KRT15: variants seen among roughly 807,000 people sequenced by gnomAD.
KRT15 encodes the protein keratin 15.
KRT15 carries 45 observed loss-of-function variants against 46.6 expected under a neutral mutation model. The observed-to-expected ratio is 0.97, with a 90% confidence interval of 0.76 to 1.24. KRT15 has a LOEUF of 1.24. Ranked by LOEUF, KRT15 falls within the 50% of genes most tolerant of loss-of-function variation. The pLI is 0.00. For missense variants in KRT15, 592 were observed against 588.9 expected (o/e 1.01, Z -0.05); for synonymous variants, 221 against 233.8 (o/e 0.95, Z 0.50).
Position 41,518,851 on chromosome 17 carries a change from G to C in KRT15, c.-24C>G. ...ATGGCCAGGTAGCTGGAGCCCGTGA[G>C]TTCTCAGCAAACCCAAGAGATGCTG... On this transcript the variant is annotated 5_prime_UTR_variant, in exon 1 of 8. Coordinates refer to ENST00000254043, the MANE Select transcript of KRT15 (RefSeq NM_002275.4). 3 of 1,527,010 alleles carry C rather than the reference G, an allele frequency of 2.0e-6. No individual in the cohort carries two copies. In the South Asian group the frequency reaches 4.0e-5, roughly 20 times the overall value. The allele number at this position is 1,527,010 out of a possible 1,614,324, so 94.6% of individuals were successfully genotyped here.
At chr17:41,516,688 C>T (rs1407123537) in intron 3 of KRT15, 120 bp downstream of exon 3, 10 of 1,189,620 alleles carry the variant, frequency 8.4e-6, no homozygotes, top group Middle Eastern at 2.9e-4. Context: ...GACTTAATCT[C>T]GTGAAAATCT....
chr17:41,516,952 C>T lies in KRT15; in HGVS notation c.594G>A (p.Glu198=). Residue 198 remains glutamate (E), a synonymous_variant, in exon 3 of 8, where the codon GAG becomes GAA. Coordinates refer to ENST00000254043, the MANE Select transcript of KRT15 (RefSeq NM_002275.4). ...CCTCAACGCCCTGGCGCAGGGCCAG[C>T]TCATTCTCATACCTGAGGAGAGGGA... is the stretch of plus-strand genomic sequence containing the variant. The part of the protein sequence containing the change: ...ADDFRLKYEN[E]LALRQGVEAD... 6.2e-7 allele frequency: 1 copy of T among 1,614,254 alleles called. No individual in the cohort carries two copies.
intron 3 of KRT15, 102 bp from the exon 4 acceptor site, chr17:41,516,367 A>G (rs903471737): frequency 1.6e-6 from 2 of 1,261,516 alleles, no homozygotes; most frequent in African/African-American, 3.0e-5. Flanking sequence ...AACACACCCC[A>G]ACCGCTGTTC....
rs958089528 is a variant in KRT15 at position 41,513,918 on chromosome 17, T to G, written c.*105A>C. The G allele has an allele frequency of 2.3e-6, 2 of 853,514 alleles. No individual in the cohort carries two copies. The highest frequency in any genetic ancestry group is 3.3e-5 in the African/African-American group (2 of 60,222). The allele number at this position is 853,514 out of a possible 1,614,324, so 52.9% of individuals were successfully genotyped here. On this transcript the variant is annotated 3_prime_UTR_variant, in exon 8 of 8. Coordinates refer to ENST00000254043, the MANE Select transcript of KRT15 (RefSeq NM_002275.4). ...GACCGAGGGACCCTTTTCAGCTCTC[T>G]GAAGGCAGGGACTGGAGTTTGCATG... is the stretch of plus-strand genomic sequence containing the variant.
Position 41,516,858 on chromosome 17 carries a change from T to G in KRT15, c.688A>C (p.Ile230Leu). The change falls in exon 3 of 8, where the codon ATC (isoleucine) becomes CTC (leucine). Residue 230 changes from isoleucine to leucine, a missense_variant. By Grantham distance (5) the Ile-to-Leu change is conservative. Transcript: ENST00000254043. ...TLARTDLEMQ[I>L]EGLNEELAYL... The stretch of plus-strand genomic sequence containing the variant: ...GCTAGCTCCTCATTCAGGCCCTCGA[T>G]CTGCATCTCCAGGTCAGTCCTGGCC... 6.2e-7 allele frequency: 1 copy of G among 1,614,258 alleles called. No individual in the cohort carries two copies. Among genetic ancestry groups the G allele is most frequent in the Non-Finnish European group, 8.5e-7 (1 of 1,180,048 alleles).
At position 41,516,281 on chromosome 17, in the gene KRT15, G is replaced by C; in HGVS notation, c.739-16C>G. The stretch of plus-strand genomic sequence containing the variant: ...CCTTCATCTCCTGCAGGATGGGAGG[G>C]ACCCACTTAGAGACGGAGAGCAGAA... On this transcript the variant is annotated splice_polypyrimidine_tract_variant and intron_variant, in intron 3 of 7. Transcript: ENST00000254043. 6.2e-7 allele frequency: 1 copy of C among 1,607,886 alleles called. No homozygotes were observed.
chr17:41,515,210 T>C, intron 6 of KRT15: 1 of 528,096 alleles, frequency 1.9e-6, no homozygotes, highest in Non-Finnish European at 3.4e-6. Context: ...ATGCAGAGAA[T>C]GGAATGAGCA....
rs770992337 is a variant in KRT15 at position 41,516,856 on chromosome 17, G to C, written c.690C>G (p.Ile230Met). 1 of 1,614,206 alleles carries C rather than the reference G, an allele frequency of 6.2e-7. No homozygotes were observed. ...AGGCTAGCTCCTCATTCAGGCCCTC[G>C]ATCTGCATCTCCAGGTCAGTCCTGG... ...TLARTDLEMQ[I>M]EGLNEELAYL... Residue 230 changes from isoleucine to methionine, a missense_variant, in exon 3 of 8, where the codon ATC becomes ATG. Transcript: ENST00000254043.
intron 5 of KRT15, 43 bp from the exon 6 acceptor site, chr17:41,515,735 A>G: frequency 1.9e-6 from 3 of 1,604,856 alleles, no homozygotes; most frequent in Non-Finnish European, 2.6e-6. Context: ...GCTAGAAAGG[A>G]AGCCACTGAG....
In KRT15 at chr17:41,515,931, C is replaced by T. The variant is rs540200615; in HGVS notation, c.980G>A (p.Arg327His). 28 of 1,614,126 alleles carry T rather than the reference C, an allele frequency of 1.7e-5. No homozygotes were observed. The African/African-American group carries it at 2.1e-4, about 12-fold the overall frequency. Residue 327 changes from arginine to histidine, a missense_variant, in exon 5 of 8, where the codon CGC (arginine) becomes CAC (histidine). Coordinates refer to ENST00000254043, the MANE Select transcript of KRT15 (RefSeq NM_002275.4). Reference sequence around the variant, plus strand: ...CTCGATCTCCAGCTCCTGCATCGTGCGTCTCAGGTCTGTGATCTCCGTCTT... The same window carrying T: ...CTCGATCTCCAGCTCCTGCATCGTGTGTCTCAGGTCTGTGATCTCCGTCTT... ...TSKTEITDLR[R>H]TMQELEIELQ...
Position 41,516,942 on chromosome 17 carries a change from G to T in KRT15, c.604C>A (p.Arg202Ser), listed in dbSNP as rs201818657. 2.5e-6 allele frequency: 4 copies of T among 1,614,222 alleles called. No individual in the cohort carries two copies. Among genetic ancestry groups the T allele is most frequent in the Non-Finnish European group, 3.4e-6 (4 of 1,180,032 alleles). Reference sequence around the variant, plus strand: ...TTGATGTCAGCCTCAACGCCCTGGCGCAGGGCCAGCTCATTCTCATACCTG... The same window carrying T: ...TTGATGTCAGCCTCAACGCCCTGGCTCAGGGCCAGCTCATTCTCATACCTG... ...RLKYENELALRQGVEADINGL... is the reference protein window; with the variant it reads ...RLKYENELALSQGVEADINGL... The change falls in exon 3 of 8, where the codon CGC (arginine) becomes AGC (serine). Residue 202 changes from arginine to serine, a missense_variant. Coordinates refer to ENST00000254043, the MANE Select transcript of KRT15 (RefSeq NM_002275.4).
At chr17:41,514,235 G>A in intron 7 of KRT15, 115 bp from the exon 8 acceptor site, 1 of 777,782 alleles carries the variant, frequency 1.3e-6, no homozygotes, top group Non-Finnish European at 2.3e-6. Flanking sequence ...AATGGCCACT[G>A]GCCAATCCCT....
chr17:41,515,617 T>C lies in KRT15; in HGVS notation c.1102A>G (p.Ile368Val). The change falls in exon 6 of 8, where the codon ATT (isoleucine) becomes GTT (valine). Residue 368 changes from isoleucine (I) to valine (V), a missense_variant. Ile to Val is a conservative substitution (Grantham distance 29). Transcript: ENST00000254043. ...CTCAGCTGGGCCTCCAGGCCACCAA[T>C]GAGCCCCTGGATCTGCTGCAGCTGC... ...ATQLQQIQGL[I>V]GGLEAQLSEL... 1 of 1,614,200 alleles carries C rather than the reference T, an allele frequency of 6.2e-7. No individual in the cohort carries two copies. The highest frequency in any genetic ancestry group is 8.5e-7 in the Non-Finnish European group (1 of 1,180,028).
intron 7 of KRT15, 138 bp from the exon 8 acceptor site, chr17:41,514,258 G>C (rs987474470): frequency 2.5e-5 from 17 of 679,042 alleles, no homozygotes; most frequent in Non-Finnish European, 4.2e-5. Flanking sequence ...AGAGCTGCCA[G>C]AGATCTGGTG....
intron 7 of KRT15, 21 bp downstream of exon 7, chr17:41,514,628 A>G: frequency 1.2e-6 from 2 of 1,612,446 alleles, no homozygotes; most frequent in Middle Eastern, 1.7e-4. Context: ...ACCCCACACC[A>G]GAAGAGTAAA....
In KRT15 at chr17:41,518,835, T is replaced by A; in HGVS notation, c.-8A>T. 6.6e-7 allele frequency: 1 copy of A among 1,525,400 alleles called. No individual in the cohort carries two copies. Among genetic ancestry groups the A allele is most frequent in the Non-Finnish European group, 8.8e-7 (1 of 1,141,784 alleles). The allele number at this position is 1,525,400 out of a possible 1,614,324, so 94.5% of individuals were successfully genotyped here. A position where few individuals can be genotyped will look rare whatever the true frequency, so the allele number is the denominator to read the frequency against. ...CAGAAATGTGGTGGTCATGGCCAGG[T>A]AGCTGGAGCCCGTGAGTTCTCAGCA... is the stretch of plus-strand genomic sequence containing the variant. On this transcript the variant is annotated 5_prime_UTR_variant, in exon 1 of 8. Coordinates refer to ENST00000254043, the MANE Select transcript of KRT15 (RefSeq NM_002275.4).
chr17:41,514,489 C>T lies in KRT15; in HGVS notation c.1273+160G>A, dbSNP rs1397953510. The T allele has an allele frequency of 6.0e-6, 4 of 663,490 alleles. No individual in the cohort carries two copies. The East Asian group carries it at 1.1e-4, about 18-fold the overall frequency. 41.1% of individuals were successfully genotyped at this position (663,490 alleles called of 1,614,324 possible). A position where few individuals can be genotyped will look rare whatever the true frequency, so the allele number is the denominator to read the frequency against. On this transcript the variant is annotated intron_variant, in intron 7 of 7. Transcript: ENST00000254043. ...TCACCAGCTGCAATCTCACCTGGGG[C>T]TGACAGAAGTTCCCACTGGGGAAGA...
In KRT15 at chr17:41,516,958, C is replaced by T; in HGVS notation, c.588G>A (p.Glu196=). Residue 196 remains glutamate, a synonymous_variant, in exon 3 of 8, where the codon GAG becomes GAA. Transcript: ENST00000254043. ...LAADDFRLKY[E]NELALRQGVE... The stretch of plus-strand genomic sequence containing the variant: ...CGCCCTGGCGCAGGGCCAGCTCATT[C>T]TCATACCTGAGGAGAGGGAGGCCAA... 6.2e-7 allele frequency: 1 copy of T among 1,614,248 alleles called. No individual in the cohort carries two copies. Among genetic ancestry groups the T allele is most frequent in the South Asian group, 1.1e-5 (1 of 91,090 alleles).
rs1170298559 is a variant in KRT15, at chr17:41,518,837, G to T, written c.-10C>A. 1 of 1,530,522 alleles carries T rather than the reference G, an allele frequency of 6.5e-7. No individual in the cohort carries two copies. Among genetic ancestry groups the T allele is most frequent in the East Asian group, 2.3e-5 (1 of 44,338 alleles). The allele number at this position is 1,530,522 out of a possible 1,614,324, so 94.8% of individuals were successfully genotyped here. A position where few individuals can be genotyped will look rare whatever the true frequency, so the allele number is the denominator to read the frequency against. On this transcript the variant is annotated 5_prime_UTR_variant, in exon 1 of 8. Coordinates refer to ENST00000254043, the MANE Select transcript of KRT15 (RefSeq NM_002275.4). ...GAAATGTGGTGGTCATGGCCAGGTA[G>T]CTGGAGCCCGTGAGTTCTCAGCAAA...
Sources: allele counts gnomAD v4.1 joint callset, GRCh38; gene constraint gnomAD v4.1.1; transcripts MANE v1.5; gene names NCBI Gene and HGNC (gene_info 2026-07-23, HGNC 2026-07-21).